The following MEGF6 variants were observed in gnomAD, a reference collection of about 807,000 sequenced individuals.
MEGF6 encodes multiple epidermal growth factor-like domains protein 6.
MEGF6 carries 184 observed loss-of-function variants against 207.1 expected under a neutral mutation model. That is an observed-to-expected ratio of 0.89 (90% CI 0.79 to 1.00). The LOEUF (loss-of-function observed/expected upper bound fraction) is 1.00. Among genes scored for constraint, MEGF6 ranks in the 50% least tolerant of loss-of-function variants. The pLI is 0.00. For missense variants in MEGF6, 2,282 were observed against 2,202.9 expected (o/e 1.04, Z -0.72); for synonymous variants, 1,038 against 910.0 (o/e 1.14, Z -2.53).
chr1:3,526,067 T>C (rs1641950473), intron 4 of MEGF6, among the ~76,000 whole-genome samples: 1 of 152,066 alleles, frequency 6.6e-6, no homozygotes. Context: ...AAGCCAGTGG[T>C]GGGGACAGAC....
chr1:3,611,068 C>T (rs1644318056), intron 1 of MEGF6, 70 bp downstream of exon 1: 1 of 1,391,708 alleles, frequency 7.2e-7, no homozygotes, highest in African/African-American at 1.5e-5. Context: ...GAGCTCGGTC[C>T]ACCACGGGCC....
Position 3,494,038 on chromosome 1 carries a change from A to G in MEGF6, c.4216T>C (p.Cys1406Arg). 6.2e-7 allele frequency: 1 copy of G among 1,609,912 alleles called. No individual in the cohort carries two copies. The highest frequency in any genetic ancestry group is 8.5e-7 in the Non-Finnish European group (1 of 1,178,730). The change falls in exon 33 of 37, where the codon TGC becomes CGC. Residue 1406 changes from cysteine (C) to arginine (R), a missense_variant. Physicochemically the swap from Cys to Arg is radical, Grantham distance 180. Transcript: ENST00000356575. ...CCGTGGAAGCCGGCAGGGCAGAGGC[A>G]TCGGCCACTGATGGGGTCGCAGGGG... ...GAPCDPISGR[C>R]LCPAGFHGHF...
chr1:3,525,155 G>A (rs1403500391), intron 4 of MEGF6, among the ~76,000 whole-genome samples: 1 of 152,194 alleles, frequency 6.6e-6, no homozygotes, highest in African/African-American at 2.4e-5. Flanking sequence ...GGACCCAGAA[G>A]GCCACCATAT....
At chr1:3,504,232 G>A (rs1024030302) in intron 17 of MEGF6, among the ~76,000 whole-genome samples, 20 of 152,162 alleles carry the variant, frequency 1.3e-4, no homozygotes, top group African/African-American at 1.9e-4. Context: ...CGTGGCTCCC[G>A]TCTCTCCCGG....
intron 5 of MEGF6, among the ~76,000 whole-genome samples, chr1:3,523,647 C>T (rs573906414): frequency 1.3e-5 from 2 of 152,220 alleles, no homozygotes; most frequent in South Asian, 2.1e-4. Context: ...GGTGTCCTCA[C>T]GCAGCCCCTG....
At chr1:3,618,478 T>G in the MEGF6 span, among the ~76,000 whole-genome samples, 2 of 152,124 alleles carry the variant, frequency 1.3e-5, no homozygotes, top group African/African-American at 2.4e-5. This position sits in a 1 kb window ranked among gnomAD's most constrained non-coding sequence, Gnocchi z 4.7. Flanking sequence ...ATCCTCCTGC[T>G]GGGGTGCAGA....
At chr1:3,511,115 T>A (rs1315028046) in intron 9 of MEGF6, among the ~76,000 whole-genome samples, 2 of 152,184 alleles carry the variant, frequency 1.3e-5, no homozygotes, top group African/African-American at 4.8e-5. Flanking sequence ...ACGTTCCTGG[T>A]CCCGCATATG....
intron 1 of MEGF6, among the ~76,000 whole-genome samples, chr1:3,604,951 G>A (rs1644220473): frequency 6.6e-6 from 1 of 152,020 alleles, no homozygotes; most frequent in Non-Finnish European, 1.5e-5. Context: ...ACCCATGGGG[G>A]ATGGTCTCAC....
At chr1:3,602,370 G>T in intron 2 of MEGF6, 96 bp downstream of exon 2, 1 of 1,553,552 alleles carries the variant, frequency 6.4e-7, no homozygotes, top group East Asian at 2.4e-5. Flanking sequence ...CTGAGACCAG[G>T]ACGGGGTCCT....
intron 32 of MEGF6, 75 bp downstream of exon 32, chr1:3,494,296 C>G: frequency 2.0e-6 from 3 of 1,489,120 alleles, no homozygotes; most frequent in Non-Finnish European, 2.7e-6. Context: ...TCACTGCTGC[C>G]TGGATCACCC....
chr1:3,532,431 C>G (rs984857474), intron 4 of MEGF6, among the ~76,000 whole-genome samples: 1 of 152,236 alleles, frequency 6.6e-6, no homozygotes, highest in African/African-American at 2.4e-5. Flanking sequence ...GCTCAATGAC[C>G]CTCAGCAGTG....
At position 3,493,815 on chromosome 1, in the gene MEGF6, A is replaced by T. The variant is rs1327939670; in HGVS notation, c.4343T>A (p.Leu1448His). The part of the protein sequence containing the change: ...GGAPCDPVTG[L>H]CLCPPGRSGA... ...TGAGCGCCCTGGTGGGCAAAGGCAG[A>T]GACCGGTGACAGGGTCACAGGGTGC... Residue 1448 changes from leucine (L) to histidine (H), a missense_variant, in exon 34 of 37, where the codon CTC becomes CAC. By Grantham distance (99) the Leu-to-His change is moderately conservative. Coordinates refer to ENST00000356575, the MANE Select transcript of MEGF6 (RefSeq NM_001409.4). The T allele has an allele frequency of 6.2e-6, 10 of 1,610,610 alleles. No homozygotes were observed. Among genetic ancestry groups the T allele is most frequent in the Non-Finnish European group, 8.5e-6 (10 of 1,178,980 alleles).
chr1:3,615,520 C>T (rs61026690), upstream of MEGF6, among the ~76,000 whole-genome samples: 6,647 of 152,354 alleles, frequency 0.044, 291 homozygotes, highest in East Asian at 0.18. Context: ...CCAAACATCC[C>T]AATTCCACTG....
chr1:3,540,966 A>G (rs984730237), intron 4 of MEGF6, among the ~76,000 whole-genome samples: 7 of 152,220 alleles, frequency 4.6e-5, no homozygotes, highest in African/African-American at 1.7e-4. Context: ...ATGAGTAAGA[A>G]GCCTCTTCCA....
intron 4 of MEGF6, among the ~76,000 whole-genome samples, chr1:3,537,281 A>G (rs556754462): frequency 2.9e-4 from 44 of 152,346 alleles, no homozygotes; most frequent in African/African-American, 1.1e-3. Context: ...CAGACCCAGC[A>G]CCTGGCATGA....
At chr1:3,555,654 C>G (rs1215732616) in intron 4 of MEGF6, among the ~76,000 whole-genome samples, 1 of 152,190 alleles carries the variant, frequency 6.6e-6, no homozygotes, top group African/African-American at 2.4e-5. Context: ...AGTGAAACAG[C>G]AGGAGCCTGC....
chr1:3,557,414 G>A (rs1179085146), intron 4 of MEGF6, among the ~76,000 whole-genome samples: 10 of 152,294 alleles, frequency 6.6e-5, no homozygotes, highest in South Asian at 6.2e-4. Context: ...CCAGGGTGGC[G>A]AGGGCATCCT....
chr1:3,491,071 C>T, intron 35 of MEGF6, 112 bp from the exon 36 acceptor site: 2 of 965,428 alleles, frequency 2.1e-6, no homozygotes, highest in Non-Finnish European at 2.9e-6. Context: ...ACTTCCCCCG[C>T]ACAGTCTCCT....
chr1:3,618,272 T>G, the MEGF6 span, among the ~76,000 whole-genome samples: 1 of 152,010 alleles, frequency 6.6e-6, no homozygotes, highest in Non-Finnish European at 1.5e-5. The surrounding 1 kb of genome is among the most constrained non-coding windows in gnomAD (Gnocchi z 4.7). Context: ...CGACACACAG[T>G]CCCCAGCAAC....
Sources: allele counts gnomAD v4.1 joint callset (sites outside exome capture counted in the v4.1 genomes callset), GRCh38; gene constraint gnomAD v4.1.1; non-coding constraint Gnocchi (gnomAD v3.1); transcripts MANE v1.5; gene names NCBI Gene and HGNC (gene_info 2026-07-23, HGNC 2026-07-21).